The following C2CD2 variants were observed in gnomAD, a reference collection of about 807,000 sequenced individuals.
The protein encoded by C2CD2 is C2 calcium dependent domain containing 2.
Under a neutral mutation model 74.3 loss-of-function variants are expected in C2CD2, and 43 were observed. The ratio of observed to expected loss-of-function variants is 0.58; its 90% CI spans 0.45 to 0.75. C2CD2 has a LOEUF of 0.75. Among genes scored for constraint, C2CD2 ranks in the 30% least tolerant of loss-of-function variants. C2CD2 has a pLI of 0.00. For synonymous variants in C2CD2, 422 were observed against 390.7 expected (o/e 1.08, Z -0.94); for missense variants, 801 against 916.3 (o/e 0.87, Z 1.63).
chr21:41,897,687 G>A (rs1230959316), intron 13 of C2CD2, among the ~76,000 whole-genome samples: 3 of 152,092 alleles, frequency 2.0e-5, no homozygotes, highest in Non-Finnish European at 2.9e-5. Context: ...CACCTATCAC[G>A]ACTCTGCACT....
intron 13 of C2CD2, 72 bp from the exon 14 acceptor site, chr21:41,889,416 C>T (rs1386332985): frequency 9.3e-7 from 1 of 1,072,462 alleles, no homozygotes; most frequent in African/African-American, 1.6e-5. Context: ...TCCAATCGGA[C>T]AAAGGGAAAA....
At chr21:41,934,273 TA>T (rs1013599623) in intron 2 of C2CD2, among the ~76,000 whole-genome samples, 1 of 151,340 alleles carries the variant, frequency 6.6e-6, no homozygotes, top group Non-Finnish European at 1.5e-5. Flanking sequence ...ACAGAAAAAA[TA>T]AAAAAACTAG....
Position 41,930,016 on chromosome 21 carries a change from G to A in C2CD2, c.379-7931C>T. On this transcript the variant is annotated intron_variant, in intron 2 of 13. Coordinates refer to ENST00000380486, the MANE Select transcript of C2CD2 (RefSeq NM_015500.2). ...ATGAATGTCATGAAAGGGAGGAAGC[G>A]AGCAGGTGAGGGTTCACCTAACTTG... Among the ~76,000 whole-genome samples the A allele has an allele frequency of 1.5e-5, 2 of 133,866 alleles. 1 individual carries two copies. Among genetic ancestry groups the A allele is most frequent in the Non-Finnish European group, 3.6e-5 (2 of 56,232 alleles). The allele number at this position is 133,866 out of a possible 152,430, so 87.8% of individuals were successfully genotyped here. A position where few individuals can be genotyped will look rare whatever the true frequency, so the allele number is the denominator to read the frequency against.
At chr21:41,909,133 T>C (rs149938556) in intron 8 of C2CD2, among the ~76,000 whole-genome samples, 1 of 152,366 alleles carries the variant, frequency 6.6e-6, no homozygotes, top group East Asian at 1.9e-4. Context: ...GTTTTGTTTT[T>C]GTTTTTGTTT....
At chr21:41,942,944 TC>T in intron 1 of C2CD2, 1 of 984,584 alleles carries the variant, frequency 1.0e-6, no homozygotes, top group Non-Finnish European at 1.2e-6. Context: ...CTCTGCATGT[TC>T]CCCCAGCATC....
chr21:41,914,108 C>T (rs1194264794), intron 6 of C2CD2, among the ~76,000 whole-genome samples: 1 of 152,000 alleles, frequency 6.6e-6, no homozygotes, highest in Non-Finnish European at 1.5e-5. Flanking sequence ...CGCCTGTAAT[C>T]CCAGCTACTA....
chr21:41,931,472 G>C (rs1012936967), intron 2 of C2CD2, among the ~76,000 whole-genome samples: 3 of 147,292 alleles, frequency 2.0e-5, no homozygotes, highest in Non-Finnish European at 3.0e-5. Context: ...CGCCAGGCTG[G>C]AGTGCAGTGG....
At chr21:41,905,975 T>C (rs140767355) in intron 10 of C2CD2, 138 bp from the exon 11 acceptor site, 2 of 678,802 alleles carry the variant, frequency 2.9e-6, no homozygotes, top group Admixed American at 4.3e-5. Context: ...AAAGCTGTTT[T>C]GAGGGGAGGA....
chr21:41,917,358 A>G (rs568574326), intron 5 of C2CD2, among the ~76,000 whole-genome samples: 3 of 152,352 alleles, frequency 2.0e-5, no homozygotes, highest in African/African-American at 7.2e-5. Context: ...TATAATAAAG[A>G]TGTATTTTAT....
At chr21:41,894,425 G>A (rs962698723) in intron 13 of C2CD2, among the ~76,000 whole-genome samples, 6 of 152,230 alleles carry the variant, frequency 3.9e-5, no homozygotes, top group African/African-American at 1.4e-4. Context: ...TGGGACGGGT[G>A]TGTGACATTG....
chr21:41,901,985 C>T (rs768263522), intron 11 of C2CD2, among the ~76,000 whole-genome samples: 11 of 152,126 alleles, frequency 7.2e-5, no homozygotes, highest in African/African-American at 1.7e-4. Flanking sequence ...GGCTGGGTTT[C>T]AGTAAAACTT....
intron 7 of C2CD2, 31 bp from the exon 8 acceptor site, chr21:41,909,554 A>G: frequency 1.4e-6 from 2 of 1,439,272 alleles, no homozygotes; most frequent in Admixed American, 1.7e-5. Context: ...ATGAGTCCTA[A>G]AAAATGCAAT....
chr21:41,899,183 G>A lies in C2CD2; in HGVS notation c.1740C>T (p.Asp580=). The change falls in exon 13 of 14, where the codon GAC becomes GAT. Residue 580 remains aspartate (D), a synonymous_variant. Coordinates refer to ENST00000380486, the MANE Select transcript of C2CD2 (RefSeq NM_015500.2). This position sits in a 1 kb window ranked among gnomAD's most constrained non-coding sequence, Gnocchi z 4.4. ...LAPKPQEDEL[D]SWDLEKEPQA... Reference sequence around the variant, plus strand: ...GTGGCTCCTTCTCCAAGTCCCAGGAGTCTAGCTCGTCCTCCTGGGGCTTGG... The same window carrying A: ...GTGGCTCCTTCTCCAAGTCCCAGGAATCTAGCTCGTCCTCCTGGGGCTTGG... 6.2e-7 allele frequency: 1 copy of A among 1,612,974 alleles called. No homozygotes were observed. Among genetic ancestry groups the A allele is most frequent in the Middle Eastern group, 1.7e-4 (1 of 6,050 alleles).
rs555679979 is a variant in C2CD2 at position 41,912,812 on chromosome 21, T to C, written c.845-372A>G. ...CATTATTTTTATTTTTTAAATTGCA[T>C]GAAGACATTGTATGCATAGAAAAAA... On this transcript the variant is annotated intron_variant, in intron 6 of 13. Coordinates refer to ENST00000380486, the MANE Select transcript of C2CD2 (RefSeq NM_015500.2). 5.9e-5 allele frequency among the ~76,000 whole-genome samples: 9 copies of C among 152,284 alleles called. No homozygotes were observed. In the South Asian group the frequency reaches 1.2e-3, roughly 21 times the overall value.
chr21:41,899,666 G>A lies in C2CD2; in HGVS notation c.1561-304C>T, dbSNP rs1258818438. Among the ~76,000 whole-genome samples the A allele has an allele frequency of 6.6e-6, 1 of 152,018 alleles. No homozygotes were observed. Among genetic ancestry groups the A allele is most frequent in the East Asian group, 1.9e-4 (1 of 5,172 alleles). On this transcript the variant is annotated intron_variant, in intron 12 of 13. Coordinates refer to ENST00000380486, the MANE Select transcript of C2CD2 (RefSeq NM_015500.2). This position sits in a 1 kb window ranked among gnomAD's most constrained non-coding sequence, Gnocchi z 4.4. ...GCGGTGGGAGCGTTTGTGGCAAGCT[G>A]CAGAAATGAGATGCGAGAGAGAGAG...
chr21:41,909,898 A>G (rs1405842466), intron 7 of C2CD2, among the ~76,000 whole-genome samples: 1 of 152,136 alleles, frequency 6.6e-6, no homozygotes, highest in Non-Finnish European at 1.5e-5. Flanking sequence ...AGTCGCTGCC[A>G]TATTGAAAGC....
chr21:41,934,857 T>TG (rs61108461), intron 2 of C2CD2, among the ~76,000 whole-genome samples: 39,845 of 143,800 alleles, frequency 0.28, 5,451 homozygotes, highest in South Asian at 0.42. Context: ...CCTTGCCTCG[T>TG]TTTTTTTTTT....
At chr21:41,908,696 A>G (rs957079169) in intron 8 of C2CD2, 5 of 152,204 alleles carry the variant, frequency 3.3e-5, no homozygotes, top group African/African-American at 1.2e-4. Context: ...GAGGTAACCA[A>G]ATGGCTTGAT....
Position 41,918,962 on chromosome 21 carries a change from T to A in C2CD2, c.493-2A>T, listed in dbSNP as rs1240657619. The stretch of plus-strand genomic sequence containing the variant: ...CTTCTCCTTCATGTGGAACTCCAGC[T>A]ATTAAAAAACAAGTTATTAGAGGGC... On this transcript the variant is annotated splice_acceptor_variant, in intron 3 of 13. Coordinates refer to ENST00000380486, the MANE Select transcript of C2CD2 (RefSeq NM_015500.2). LOFTEE classifies it high-confidence loss of function. 1 of 1,611,128 alleles carries A rather than the reference T, an allele frequency of 6.2e-7. No homozygotes were observed. Among genetic ancestry groups the A allele is most frequent in the Non-Finnish European group, 8.5e-7 (1 of 1,177,344 alleles).
Sources: allele counts gnomAD v4.1 joint callset (sites outside exome capture counted in the v4.1 genomes callset), GRCh38; gene constraint gnomAD v4.1.1; non-coding constraint Gnocchi (gnomAD v3.1); transcripts MANE v1.5; gene names NCBI Gene and HGNC (gene_info 2026-07-23, HGNC 2026-07-21).